Variants in TRPC5 observed in about 807,000 individuals in gnomAD.
TRPC5 encodes short transient receptor potential channel 5.
In TRPC5, 9 loss-of-function variants were observed where a neutral mutation model predicts 56.5. That is an observed-to-expected ratio of 0.16 (90% CI 0.10 to 0.28). The LOEUF is 0.28. Ranked by LOEUF, TRPC5 falls within the 10% of genes least tolerant of loss-of-function variation. TRPC5 has a pLI of 1.00. For missense variants in TRPC5, 469 were observed against 748.9 expected (o/e 0.63, Z 4.36); for synonymous variants, 282 against 278.5 (o/e 1.01, Z -0.13).
At chrX:111,956,234 G>A (rs7887095) in intron 1 of TRPC5, among the ~76,000 whole-genome samples, 14,647 of 111,910 alleles carry the variant, frequency 0.13, 843 homozygotes, top group African/African-American at 0.2. Flanking sequence ...AAACATCAGT[G>A]CCTTCAGAGT....
chrX:111,881,531 A>C (rs1041697894), intron 3 of TRPC5, among the ~76,000 whole-genome samples: 11 of 111,539 alleles, frequency 9.9e-5, no homozygotes, highest in Non-Finnish European at 1.9e-4. Context: ...TCCTAGAAGA[A>C]GTTGCACAGA....
chrX:111,817,749 G>T (rs1463118329), intron 7 of TRPC5, among the ~76,000 whole-genome samples: 1 of 111,518 alleles, frequency 9.0e-6, no homozygotes, highest in Non-Finnish European at 1.9e-5. Context: ...TAGGGTCACA[G>T]ATCTAGTCAA....
At position 111,852,014 on chromosome X, in the gene TRPC5, G is replaced by A. The variant is rs1923098342; in HGVS notation, c.1377+284C>T. Among the ~76,000 whole-genome samples, 6 of 112,206 alleles carry A rather than the reference G, an allele frequency of 5.3e-5. No homozygotes were observed. The South Asian group carries it at 1.9e-3, about 35-fold the overall frequency. ...CATCACTGGGCCATTGTGTTGGCAC[G>A]GATATCGTAGAGAGCATTTAAACAC... On this transcript the variant is annotated intron_variant, in intron 5 of 10. Coordinates refer to ENST00000262839, the MANE Select transcript of TRPC5 (RefSeq NM_012471.3).
chrX:111,768,326 A>G lies in TRPC5; in HGVS notation c.*7987T>C, dbSNP rs1232422794. Among the ~76,000 whole-genome samples, 1 of 112,219 alleles carries G rather than the reference A, an allele frequency of 8.9e-6. No homozygotes were observed. The highest frequency in any genetic ancestry group is 1.9e-5 in the Non-Finnish European group (1 of 53,198). ...GTTGGGGCTGCCAACTAGGCTTAGAAGGTGAATTACACATAGCTCGTATTC... is the reference window on the plus strand; with the variant it reads ...GTTGGGGCTGCCAACTAGGCTTAGAGGGTGAATTACACATAGCTCGTATTC... On this transcript the variant is annotated 3_prime_UTR_variant, in exon 11 of 11. Coordinates refer to ENST00000262839, the MANE Select transcript of TRPC5 (RefSeq NM_012471.3).
Position 111,885,127 on chromosome X carries a change from A to G in TRPC5, c.900+27164T>C, listed in dbSNP as rs184255094. 1.8e-3 allele frequency among the ~76,000 whole-genome samples: 199 copies of G among 113,188 alleles called. No individual in the cohort carries two copies. The South Asian group carries it at 0.022, about 12-fold the overall frequency. ...GCTTATGCCTAGTTAAGTCCTAGCC[A>G]CAGCCCAGTTAGCTTAGCCAGGGAC... On this transcript the variant is annotated intron_variant, in intron 3 of 10. Coordinates refer to ENST00000262839, the MANE Select transcript of TRPC5 (RefSeq NM_012471.3).
intron 1 of TRPC5, among the ~76,000 whole-genome samples, chrX:111,956,041 G>A (rs924466450): frequency 3.6e-5 from 4 of 112,624 alleles, no homozygotes; most frequent in East Asian, 2.8e-4. Context: ...GCTGGCCAGA[G>A]GCGTTTGTCT....
intron 9 of TRPC5, 49 bp downstream of exon 9, chrX:111,781,116 C>T (rs765365984): frequency 8.6e-7 from 1 of 1,157,276 alleles, no homozygotes; most frequent in Admixed American, 2.2e-5. Flanking sequence ...TTCTCCTCCA[C>T]AGAACCAGCC....
chrX:112,056,087 C>T (rs1052329057), intron 1 of TRPC5, among the ~76,000 whole-genome samples: 1 of 111,564 alleles, frequency 9.0e-6, no homozygotes, highest in Admixed American at 9.6e-5. Flanking sequence ...TCCATATTGA[C>T]CCTTTTCACA....
At chrX:111,968,573 C>T (rs1179955669) in intron 1 of TRPC5, among the ~76,000 whole-genome samples, 4 of 109,897 alleles carry the variant, frequency 3.6e-5, no homozygotes, top group African/African-American at 1.0e-4. Context: ...TTGGAACCAA[C>T]CCAAATGTCC....
At chrX:111,787,198 C>G (rs1427550174) in intron 7 of TRPC5, among the ~76,000 whole-genome samples, 32 of 112,063 alleles carry the variant, frequency 2.9e-4, no homozygotes, top group African/African-American at 9.7e-4. Context: ...GAAATCACAA[C>G]AAACTGTCTC....
chrX:111,788,182 G>A (rs1182097241), intron 7 of TRPC5, among the ~76,000 whole-genome samples: 1 of 111,637 alleles, frequency 9.0e-6, no homozygotes, highest in African/African-American at 3.3e-5. Flanking sequence ...CTGGCAAACC[G>A]AATCCAGCAG....
At chrX:111,978,511 A>C (rs146682878) in intron 1 of TRPC5, among the ~76,000 whole-genome samples, 8,540 of 111,103 alleles carry the variant, frequency 0.077, 333 homozygotes, top group Non-Finnish European at 0.11. Flanking sequence ...GCATACACGT[A>C]CCGTATGAGC....
At chrX:112,032,114 C>G (rs1053400267) in intron 1 of TRPC5, among the ~76,000 whole-genome samples, 2 of 110,793 alleles carry the variant, frequency 1.8e-5, no homozygotes, top group African/African-American at 6.6e-5. Flanking sequence ...CCAATAAAGA[C>G]ATACAGGTGG....
intron 7 of TRPC5, among the ~76,000 whole-genome samples, chrX:111,793,566 A>C: frequency 1.8e-5 from 2 of 111,649 alleles, no homozygotes; most frequent in Non-Finnish European, 3.8e-5. Context: ...GTTTGTGAGG[A>C]TATACATAAA....
At position 111,912,570 on chromosome X, in the gene TRPC5, T is replaced by A. The variant is rs1290965209; in HGVS notation, c.621A>T (p.Ser207=). Residue 207 remains serine (S), a synonymous_variant, in exon 3 of 11, where the codon TCA becomes TCT. Coordinates refer to ENST00000262839, the MANE Select transcript of TRPC5 (RefSeq NM_012471.3). ...GGTCCTCACTTGATAAGGCAATGAGTGAGGGGCTTGCCAGAGCCTTATAGA... is the reference window on the plus strand; with the variant it reads ...GGTCCTCACTTGATAAGGCAATGAGAGAGGGGCTTGCCAGAGCCTTATAGA... ...LNIYKALASP[S]LIALSSEDPI... The A allele has an allele frequency of 1.7e-6, 2 of 1,211,115 alleles. No individual in the cohort carries two copies. The highest frequency in any genetic ancestry group is 2.2e-6 in the Non-Finnish European group (2 of 895,389).
chrX:111,912,393 C>T lies in TRPC5; in HGVS notation c.798G>A (p.Glu266=), dbSNP rs1197541619. 3.3e-6 allele frequency: 4 copies of T among 1,211,549 alleles called. No homozygotes were observed. Among genetic ancestry groups the T allele is most frequent in the Middle Eastern group, 2.3e-4 (1 of 4,351 alleles). Residue 266 remains glutamate, a synonymous_variant, in exon 3 of 11, where the codon GAG becomes GAA. Coordinates refer to ENST00000262839, the MANE Select transcript of TRPC5 (RefSeq NM_012471.3). ...GGTCATCTCGATGGTTGAGGATGAT[C>T]TCCAGTTCCCTGGAGCTCCGAGCTT... ...LDQARSSREL[E]IILNHRDDHS...
chrX:111,988,716 TTGCCTAC>T (rs1354715590), intron 1 of TRPC5, among the ~76,000 whole-genome samples: 1 of 111,225 alleles, frequency 9.0e-6, no homozygotes, highest in African/African-American at 3.3e-5. Context: ...TGCATATGAT[TTGCCTAC>T]TGTCCAATGT....
intron 6 of TRPC5, among the ~76,000 whole-genome samples, chrX:111,841,593 CATTATT>C (rs1295401705): frequency 1.8e-5 from 2 of 112,216 alleles, no homozygotes; most frequent in African/African-American, 6.5e-5. Context: ...TGATTATTTT[CATTATT>C]ATTATTAAAC....
At chrX:111,997,463 T>C (rs1462337641) in intron 1 of TRPC5, among the ~76,000 whole-genome samples, 1 of 111,141 alleles carries the variant, frequency 9.0e-6, no homozygotes, top group Admixed American at 9.7e-5. Flanking sequence ...GACAATTATA[T>C]GTCTTGGGGT....
Sources: allele counts gnomAD v4.1 joint callset (sites outside exome capture counted in the v4.1 genomes callset), GRCh38; gene constraint gnomAD v4.1.1; transcripts MANE v1.5; gene names NCBI Gene and HGNC (gene_info 2026-07-23, HGNC 2026-07-21).